The following GALNTL6 variants were observed in gnomAD, a reference collection of about 807,000 sequenced individuals.
GALNTL6 encodes the protein polypeptide N-acetylgalactosaminyltransferase-like 6.
GALNTL6 carries 46 observed loss-of-function variants against 73.7 expected under a neutral mutation model. The observed-to-expected ratio is 0.62, with a 90% CI of 0.49 to 0.80. The LOEUF (loss-of-function observed/expected upper bound fraction) is 0.80. Ranked by LOEUF, GALNTL6 falls within the 30% of genes least tolerant of loss-of-function variation. The pLI is 0.00. For synonymous variants in GALNTL6, 259 were observed against 263.7 expected, an observed-to-expected ratio of 0.98 and a Z score of 0.17; for missense variants, 604 against 755.0, an observed-to-expected ratio of 0.80 and a Z score of 2.34.
chr4:171,829,619 CG>C (rs1392278345), intron 2 of GALNTL6, among the ~76,000 whole-genome samples: 3 of 152,068 alleles, frequency 2.0e-5, no homozygotes, highest in East Asian at 1.9e-4. Flanking sequence ...TTTCGTCAAG[CG>C]GTCTCTGGGA....
chr4:172,243,087 C>T (rs992296793), intron 3 of GALNTL6, among the ~76,000 whole-genome samples: 12 of 152,202 alleles, frequency 7.9e-5, no homozygotes, highest in African/African-American at 2.4e-4. Context: ...ATGTCTCTGA[C>T]CTCAACTCTT....
In GALNTL6 at chr4:172,138,513, A is replaced by ATTTTTTTTT. The variant is rs1169097172; in HGVS notation, c.139-91117_139-91109dup. On this transcript the variant is annotated intron_variant, in intron 2 of 12. Transcript: ENST00000506823. ...TATATATATATATATATATATATAT[A>ATTTTTTTTT]TTTTTTTTTTTTTTTTTTTTTTTTT... 5.1e-4 allele frequency among the ~76,000 whole-genome samples: 4 copies of ATTTTTTTTT among 7,790 alleles called. 2 individuals are homozygous for ATTTTTTTTT. Among genetic ancestry groups the ATTTTTTTTT allele is most frequent in the African/African-American group, 9.3e-4 (2 of 2,158 alleles). The allele number at this position is 7,790 out of a possible 152,430, so 5.1% of individuals were successfully genotyped here.
intron 5 of GALNTL6, among the ~76,000 whole-genome samples, chr4:172,772,122 G>A (rs1738802652): frequency 6.6e-6 from 1 of 152,128 alleles, no homozygotes; most frequent in African/African-American, 2.4e-5. Context: ...GATCTCATGA[G>A]ACTTATTCAC....
In GALNTL6 at chr4:172,970,830, G is replaced by A. The variant is rs114281738; in HGVS notation, c.1371+18572G>A. Among the ~76,000 whole-genome samples the A allele has an allele frequency of 2.4e-3, 361 of 152,310 alleles. 2 individuals are homozygous for A. Among genetic ancestry groups the A allele is most frequent in the African/African-American group, 6.8e-3 (283 of 41,578 alleles). On this transcript the variant is annotated intron_variant, in intron 10 of 12. Coordinates refer to ENST00000506823, the MANE Select transcript of GALNTL6 (RefSeq NM_001034845.3). ...GGAACTAATAAATCTCCATGAAGTC[G>A]TCACAATTAATGTTCAGAGATTGCA...
At chr4:172,937,205 G>T (rs1171960514) in intron 9 of GALNTL6, among the ~76,000 whole-genome samples, 1 of 151,750 alleles carries the variant, frequency 6.6e-6, no homozygotes, top group Admixed American at 6.6e-5. Flanking sequence ...AAATAGAAAG[G>T]TCAACCAACA....
chr4:171,922,074 G>T (rs1159357559), intron 2 of GALNTL6, among the ~76,000 whole-genome samples: 2 of 148,718 alleles, frequency 1.3e-5, no homozygotes, highest in Non-Finnish European at 3.0e-5. Flanking sequence ...TTCATAGTAT[G>T]TGTGTGTGTG....
At position 172,071,822 on chromosome 4, in the gene GALNTL6, G is replaced by A. The variant is rs1731540423; in HGVS notation, c.139-157834G>A. Among the ~76,000 whole-genome samples, 3 of 152,176 alleles carry A rather than the reference G, an allele frequency of 2.0e-5. No individual in the cohort carries two copies. The South Asian group carries it at 6.2e-4, about 32-fold the overall frequency. On this transcript the variant is annotated intron_variant, in intron 2 of 12. Transcript: ENST00000506823. ...AGACTTCAGGAATGCTCTGATTGAG[G>A]ACTATTGGCATAAGAAAACTAAAGG...
intron 5 of GALNTL6, among the ~76,000 whole-genome samples, chr4:172,793,750 G>A (rs756187198): frequency 6.6e-6 from 1 of 152,102 alleles, no homozygotes; most frequent in Admixed American, 6.5e-5. Flanking sequence ...TTCTGTACTC[G>A]TCACTTTCTG....
chr4:172,339,061 G>T (rs1252112633), intron 4 of GALNTL6, among the ~76,000 whole-genome samples: 1 of 152,178 alleles, frequency 6.6e-6, no homozygotes, highest in East Asian at 1.9e-4. Flanking sequence ...CTGGAGATCT[G>T]CCTGGGCATA....
chr4:172,202,267 T>G (rs1352198161), intron 2 of GALNTL6, among the ~76,000 whole-genome samples: 3 of 152,176 alleles, frequency 2.0e-5, no homozygotes, highest in African/African-American at 7.2e-5. Flanking sequence ...TTTGAAACTG[T>G]AACCTGAGAT....
intron 5 of GALNTL6, among the ~76,000 whole-genome samples, chr4:172,529,448 A>T (rs1735091901): frequency 1.3e-5 from 2 of 152,126 alleles, no homozygotes; most frequent in African/African-American, 4.8e-5. Flanking sequence ...GATGCTTACT[A>T]GTTTTATTTT....
chr4:171,968,960 C>G (rs1739478798), intron 2 of GALNTL6, among the ~76,000 whole-genome samples: 1 of 151,928 alleles, frequency 6.6e-6, no homozygotes, highest in Admixed American at 6.6e-5. Context: ...CCTCAGCCTC[C>G]TGAGTAGCTG....
intron 7 of GALNTL6, among the ~76,000 whole-genome samples, chr4:172,846,183 G>A (rs1743496098): frequency 6.6e-6 from 1 of 152,110 alleles, no homozygotes; most frequent in Non-Finnish European, 1.5e-5. Context: ...AATTTGGAAT[G>A]CATTTTCCTA....
At chr4:172,430,774 C>T (rs1731419291) in intron 5 of GALNTL6, among the ~76,000 whole-genome samples, 1 of 152,062 alleles carries the variant, frequency 6.6e-6, no homozygotes, top group African/African-American at 2.4e-5. Context: ...CACTGCACTC[C>T]AGCCTGGGTG....
chr4:171,961,743 C>T (rs1211853661), intron 2 of GALNTL6, among the ~76,000 whole-genome samples: 1 of 152,150 alleles, frequency 6.6e-6, no homozygotes, highest in Non-Finnish European at 1.5e-5. Flanking sequence ...TCTCTAGCTG[C>T]TGCTCAGAAG....
intron 2 of GALNTL6, among the ~76,000 whole-genome samples, chr4:172,174,298 C>T (rs929591573): frequency 1.3e-5 from 2 of 152,162 alleles, no homozygotes; most frequent in African/African-American, 2.4e-5. Flanking sequence ...TTCTCAATTT[C>T]CTTCTTTGAA....
chr4:172,443,728 G>A (rs1731921884), intron 5 of GALNTL6, among the ~76,000 whole-genome samples: 1 of 152,034 alleles, frequency 6.6e-6, no homozygotes, highest in Non-Finnish European at 1.5e-5. Flanking sequence ...TTTAGTATTG[G>A]GGGAAATAAT....
chr4:172,732,867 A>AT (rs1455015238), intron 5 of GALNTL6, among the ~76,000 whole-genome samples: 1 of 152,206 alleles, frequency 6.6e-6, no homozygotes. Context: ...TCTGCCTTAC[A>AT]TTTTGACTTT....
At chr4:172,101,603 T>C (rs1296208636) in intron 2 of GALNTL6, among the ~76,000 whole-genome samples, 1 of 152,182 alleles carries the variant, frequency 6.6e-6, no homozygotes, top group Non-Finnish European at 1.5e-5. Flanking sequence ...CATAAAACCA[T>C]TTAATTTGCC....
Sources: gnomAD v4.1 joint callset for allele counts (sites outside exome capture counted in the v4.1 genomes callset) on GRCh38, gnomAD v4.1.1 for gene constraint, MANE v1.5 for transcripts, NCBI Gene and HGNC (gene_info 2026-07-23, HGNC 2026-07-21) for gene names.